Variants in MCHR2 observed in about 807,000 individuals in gnomAD.
The protein encoded by MCHR2 is melanin concentrating hormone receptor 2.
Under a neutral mutation model 24.8 loss-of-function variants are expected in MCHR2, and 15 were observed. The observed-to-expected ratio is 0.60, with a 90% CI of 0.40 to 0.93. The LOEUF is 0.93. Ranked by LOEUF, MCHR2 falls within the 40% of genes least tolerant of loss-of-function variation. The pLI is 0.00. For synonymous variants in MCHR2, 151 were observed against 147.6 expected (o/e 1.02, Z -0.17); for missense variants, 386 against 408.7 (o/e 0.94, Z 0.48).
intron 1 of MCHR2, among the ~76,000 whole-genome samples, chr6:99,961,939 G>A (rs766266533): frequency 5.9e-5 from 9 of 151,994 alleles, no homozygotes; most frequent in African/African-American, 1.2e-4. Flanking sequence ...AAACTAGCAC[G>A]AATTTATTTT....
intron 4 of MCHR2, among the ~76,000 whole-genome samples, chr6:99,935,258 G>A (rs548304506): frequency 4.1e-4 from 63 of 151,976 alleles, no homozygotes; most frequent in Admixed American, 2.0e-4. Flanking sequence ...ATGTACAATA[G>A]GATATTTTAA....
intron 5 of MCHR2, among the ~76,000 whole-genome samples, chr6:99,931,212 A>C (rs1774523476): frequency 6.6e-6 from 1 of 152,090 alleles, no homozygotes; most frequent in African/African-American, 2.4e-5. Flanking sequence ...GTCTCAGAGG[A>C]GTACCTGGCC....
At chr6:99,958,781 C>CG (rs1775120278) in intron 1 of MCHR2, among the ~76,000 whole-genome samples, 1 of 152,072 alleles carries the variant, frequency 6.6e-6, no homozygotes, top group Admixed American at 6.6e-5. Context: ...GCCATATGAT[C>CG]GGGGGAAACT....
At chr6:99,975,608 T>G (rs999006827) in intron 1 of MCHR2, among the ~76,000 whole-genome samples, 12 of 152,192 alleles carry the variant, frequency 7.9e-5, no homozygotes, top group African/African-American at 2.9e-4. Flanking sequence ...CACTCCCTAG[T>G]GAGATGAACC....
At chr6:99,939,321 A>C (rs1440043896) in intron 4 of MCHR2, among the ~76,000 whole-genome samples, 1 of 152,044 alleles carries the variant, frequency 6.6e-6, no homozygotes, top group African/African-American at 2.4e-5. Context: ...GTCTTAGTTC[A>C]TTCCTTTTTA....
intron 1 of MCHR2, among the ~76,000 whole-genome samples, chr6:99,961,871 T>C (rs1302893977): frequency 1.1e-4 from 17 of 152,018 alleles, no homozygotes; most frequent in Admixed American, 1.0e-3. Flanking sequence ...TAAAAAAGAA[T>C]ATGAAAATCA....
intron 1 of MCHR2, among the ~76,000 whole-genome samples, chr6:99,973,919 C>T (rs191845829): frequency 6.6e-5 from 10 of 152,300 alleles, no homozygotes; most frequent in East Asian, 1.9e-4. Flanking sequence ...GAGTTTCTGT[C>T]GAGAGATCCA....
chr6:99,976,424 C>A (rs1775552760), intron 1 of MCHR2, among the ~76,000 whole-genome samples: 1 of 152,170 alleles, frequency 6.6e-6, no homozygotes. Context: ...TTTGGGGTAC[C>A]TCCAGGTGGC....
intron 4 of MCHR2, among the ~76,000 whole-genome samples, chr6:99,939,131 C>G (rs1204451199): frequency 6.6e-6 from 1 of 151,910 alleles, no homozygotes; most frequent in Non-Finnish European, 1.5e-5. Context: ...GTTTCTTTAT[C>G]AAGCCTCTTG....
At chr6:99,984,137 C>A (rs1044963904) in intron 1 of MCHR2, among the ~76,000 whole-genome samples, 4 of 152,118 alleles carry the variant, frequency 2.6e-5, no homozygotes, top group Non-Finnish European at 5.9e-5. Context: ...GTTATACACA[C>A]ATACATGCAC....
chr6:99,984,177 C>T (rs1775725449), intron 1 of MCHR2, among the ~76,000 whole-genome samples: 1 of 152,086 alleles, frequency 6.6e-6, no homozygotes, highest in African/African-American at 2.4e-5. Context: ...TATATATACA[C>T]TTATACATGA....
At position 99,920,579 on chromosome 6, in the gene MCHR2, G is replaced by T. The variant is rs201792511; in HGVS notation, c.*361C>A. 1 of 213,516 alleles carries T rather than the reference G, an allele frequency of 4.7e-6. No homozygotes were observed. The highest frequency in any genetic ancestry group is 9.5e-6 in the Non-Finnish European group (1 of 105,128). The allele number at this position is 213,516 out of a possible 1,614,324, so 13.2% of individuals were successfully genotyped here. On this transcript the variant is annotated 3_prime_UTR_variant, in exon 6 of 6. Coordinates refer to ENST00000281806, the MANE Select transcript of MCHR2 (RefSeq NM_001040179.2). ...TAGGAACCTTGAGGAAACTGTTACA[G>T]TGAGGCCACAGTGTGGAGGGCAAGG...
chr6:99,977,719 G>A (rs1043965285), intron 1 of MCHR2, among the ~76,000 whole-genome samples: 2 of 151,864 alleles, frequency 1.3e-5, no homozygotes, highest in Admixed American at 1.3e-4. Flanking sequence ...GGATAAGTCG[G>A]TTCCACTTAT....
intron 2 of MCHR2, among the ~76,000 whole-genome samples, chr6:99,949,178 C>T (rs891302226): frequency 6.6e-6 from 1 of 152,188 alleles, no homozygotes; most frequent in African/African-American, 2.4e-5. Context: ...GCACCAATTA[C>T]ATGGCAGGCA....
chr6:99,967,102 G>A (rs937454461), intron 1 of MCHR2, among the ~76,000 whole-genome samples: 1 of 151,246 alleles, frequency 6.6e-6, no homozygotes, highest in Non-Finnish European at 1.5e-5. Context: ...CTTGAAATAT[G>A]ACCCCAGAAA....
intron 2 of MCHR2, among the ~76,000 whole-genome samples, chr6:99,951,608 G>C (rs1774967370): frequency 6.6e-6 from 1 of 152,118 alleles, no homozygotes; most frequent in African/African-American, 2.4e-5. Flanking sequence ...AGATGTTGTT[G>C]CATGGTACTC....
Position 99,918,749 on chromosome 6 carries a change from T to C in MCHR2, c.*2191A>G, listed in dbSNP as rs1162765324. On this transcript the variant is annotated 3_prime_UTR_variant, in exon 6 of 6. Coordinates refer to ENST00000281806, the MANE Select transcript of MCHR2 (RefSeq NM_001040179.2). ...GTAAATCTGCATATAAATATGCTTA[T>C]GCATAGAAACGCTATATAAAGGGAC... is the stretch of plus-strand genomic sequence containing the variant. Among the ~76,000 whole-genome samples the C allele has an allele frequency of 6.6e-6, 1 of 152,234 alleles. No homozygotes were observed. Among genetic ancestry groups the C allele is most frequent in the Non-Finnish European group, 1.5e-5 (1 of 68,046 alleles).
At chr6:99,967,244 C>A (rs556376209) in intron 1 of MCHR2, among the ~76,000 whole-genome samples, 1 of 151,846 alleles carries the variant, frequency 6.6e-6, no homozygotes, top group Non-Finnish European at 1.5e-5. Flanking sequence ...TGATTCACAT[C>A]ATTCATCTAT....
At chr6:99,943,209 G>A in intron 3 of MCHR2, 66 bp from the exon 4 acceptor site, 1 of 1,314,546 alleles carries the variant, frequency 7.6e-7, no homozygotes, top group Non-Finnish European at 1.0e-6. Flanking sequence ...AGGATGAAAG[G>A]TTCATGATGA....
Sources: allele counts gnomAD v4.1 joint callset (sites outside exome capture counted in the v4.1 genomes callset), GRCh38; gene constraint gnomAD v4.1.1; transcripts MANE v1.5; gene names NCBI Gene and HGNC (gene_info 2026-07-23, HGNC 2026-07-21).